The following MTUS2 variants were observed in gnomAD, a reference collection of about 807,000 sequenced individuals.
The protein encoded by MTUS2 is microtubule associated scaffold protein 2.
Under a neutral mutation model 114.1 loss-of-function variants are expected in MTUS2, and 40 were observed. The ratio of observed to expected loss-of-function variants is 0.35; its 90% CI spans 0.27 to 0.46. The LOEUF is 0.46. Among genes scored for constraint, MTUS2 ranks in the 20% least tolerant of loss-of-function variants. The probability of loss-of-function intolerance (pLI) is 1.00; values close to 1 mark genes in which losing one functional copy is unlikely to be tolerated. For missense variants in MTUS2, 1,679 were observed against 1,705.4 expected, an observed-to-expected ratio of 0.98 and a Z score of 0.27; for synonymous variants, 688 against 672.0, an observed-to-expected ratio of 1.02 and a Z score of -0.37.
chr13:29,296,229 G>T (rs1334050085), intron 6 of MTUS2, among the ~76,000 whole-genome samples: 1 of 151,434 alleles, frequency 6.6e-6, no homozygotes, highest in African/African-American at 2.4e-5. Context: ...TTGTTTGTTT[G>T]TGAGACAGGG....
chr13:29,350,983 A>ATATATATATATATATATATATC (rs1566147471), intron 7 of MTUS2, among the ~76,000 whole-genome samples: 1 of 143,354 alleles, frequency 7.0e-6, no homozygotes, highest in Non-Finnish European at 1.5e-5. Flanking sequence ...ATATATATAT[A>ATATATATATATATATATATATC]TCTTCAGAGG....
At chr13:28,983,806 T>TTAACAACTACTAACACTAAAC (rs1344757841) in intron 2 of MTUS2, among the ~76,000 whole-genome samples, 4 of 152,214 alleles carry the variant, frequency 2.6e-5, no homozygotes, top group African/African-American at 7.2e-5. Context: ...CTCAATCAGT[T>TTAACAACTACTAACACTAAAC]TAACAACTAC....
intron 8 of MTUS2, among the ~76,000 whole-genome samples, chr13:29,373,553 A>G (rs910081372): frequency 1.6e-4 from 25 of 152,242 alleles, no homozygotes; most frequent in African/African-American, 5.5e-4. Context: ...TCCTAACAGC[A>G]TACACGGACT....
intron 3 of MTUS2, among the ~76,000 whole-genome samples, chr13:29,031,412 A>G (rs1375195909): frequency 1.3e-5 from 2 of 151,906 alleles, no homozygotes; most frequent in Non-Finnish European, 1.5e-5. Flanking sequence ...ATCTCTATAT[A>G]TATATATAGA....
At chr13:29,421,245 G>A (rs935750941) in intron 8 of MTUS2, among the ~76,000 whole-genome samples, 2 of 152,052 alleles carry the variant, frequency 1.3e-5, no homozygotes, top group Admixed American at 6.6e-5. Context: ...TAAAAGCTAC[G>A]CATATTTTCC....
intron 5 of MTUS2, among the ~76,000 whole-genome samples, chr13:29,278,576 T>C (rs1898152350): frequency 6.6e-6 from 1 of 152,178 alleles, no homozygotes; most frequent in African/African-American, 2.4e-5. Context: ...AACCAGTTAA[T>C]AAAATTAAAA....
intron 5 of MTUS2, among the ~76,000 whole-genome samples, chr13:29,262,659 A>C (rs1255373037): frequency 6.6e-6 from 1 of 152,170 alleles, no homozygotes; most frequent in Non-Finnish European, 1.5e-5. Context: ...GCCCTGGGAA[A>C]ACTACCCCCT....
At chr13:29,283,399 A>G (rs949026479) in intron 6 of MTUS2, among the ~76,000 whole-genome samples, 2 of 152,204 alleles carry the variant, frequency 1.3e-5, no homozygotes, top group African/African-American at 2.4e-5. Flanking sequence ...TTTAACATCT[A>G]TGGGTTAATT....
At chr13:29,223,629 A>T (rs995648562) in intron 5 of MTUS2, among the ~76,000 whole-genome samples, 3 of 152,216 alleles carry the variant, frequency 2.0e-5, no homozygotes, top group Admixed American at 1.3e-4. Flanking sequence ...CATGAGCCTC[A>T]TTCTTCCTGG....
chr13:29,147,955 T>G (rs1892504629), intron 5 of MTUS2, among the ~76,000 whole-genome samples: 1 of 152,214 alleles, frequency 6.6e-6, no homozygotes, highest in African/African-American at 2.4e-5. Context: ...TTGGGTATGT[T>G]CCAGTAATGG....
At chr13:28,903,419 C>G (rs1879771334) in intron 2 of MTUS2, among the ~76,000 whole-genome samples, 1 of 114,880 alleles carries the variant, frequency 8.7e-6, no homozygotes, top group African/African-American at 3.3e-5. Flanking sequence ...CCCCCTCCCC[C>G]CACCCCACAA....
chr13:29,447,007 C>T (rs1024284877), intron 9 of MTUS2, among the ~76,000 whole-genome samples: 1 of 152,124 alleles, frequency 6.6e-6, no homozygotes, highest in African/African-American at 2.4e-5. Context: ...AAATCCAAAA[C>T]CTCTTGAGCA....
chr13:28,925,594 A>C (rs544932826), intron 2 of MTUS2, among the ~76,000 whole-genome samples: 1 of 152,296 alleles, frequency 6.6e-6, no homozygotes, highest in East Asian at 1.9e-4. Flanking sequence ...TGGTGAGAGA[A>C]ACTCTACCTC....
rs1171849219 is a variant in MTUS2, at chr13:29,209,390, TC to T, written c.2645-72313del. On this transcript the variant is annotated intron_variant, in intron 5 of 15. Transcript: ENST00000612955. ...TTCTTATCCATTCTTCCATTCTGTA[TC>T]TTTTAAGTGGAACATTTAGGCCATT... Among the ~76,000 whole-genome samples the T allele has an allele frequency of 4.6e-5, 7 of 152,262 alleles. No homozygotes were observed. In the East Asian group the frequency reaches 1.4e-3, roughly 29 times the overall value.
chr13:28,946,272 CGTGT>C (rs58873985), intron 2 of MTUS2, among the ~76,000 whole-genome samples: 56,608 of 149,028 alleles, frequency 0.38, 11,259 homozygotes, highest in Middle Eastern at 0.55. Context: ...TTTCTGTCTG[CGTGT>C]GTGTGTGTGT....
intron 2 of MTUS2, among the ~76,000 whole-genome samples, chr13:28,981,464 A>G (rs908615430): frequency 1.3e-4 from 20 of 152,216 alleles, no homozygotes; most frequent in African/African-American, 4.3e-4. Flanking sequence ...ACTGTTCTAT[A>G]TCTTGACTAT....
intron 6 of MTUS2, among the ~76,000 whole-genome samples, chr13:29,322,842 G>A (rs1900310296): frequency 6.6e-6 from 1 of 152,198 alleles, no homozygotes; most frequent in African/African-American, 2.4e-5. Flanking sequence ...TGTGGGCAGG[G>A]ACAGTGACAG....
At chr13:29,279,498 G>A (rs959475999) in intron 5 of MTUS2, among the ~76,000 whole-genome samples, 10 of 152,138 alleles carry the variant, frequency 6.6e-5, no homozygotes, top group African/African-American at 2.4e-4. Flanking sequence ...GCATTATTGT[G>A]AAGTACTGGG....
intron 2 of MTUS2, among the ~76,000 whole-genome samples, chr13:29,022,206 T>C (rs1278738014): frequency 6.6e-6 from 1 of 152,172 alleles, no homozygotes; most frequent in Non-Finnish European, 1.5e-5. Context: ...AATGATCTTA[T>C]GTATGTAAAA....
Sources: gnomAD v4.1 joint callset for allele counts (sites outside exome capture counted in the v4.1 genomes callset) on GRCh38, gnomAD v4.1.1 for gene constraint, MANE v1.5 for transcripts, NCBI Gene and HGNC (gene_info 2026-07-23, HGNC 2026-07-21) for gene names.